The following SASS6 variants were observed in gnomAD, a reference collection of about 807,000 sequenced individuals.
The protein encoded by SASS6 is spindle assembly abnormal protein 6 homolog.
A neutral mutation model predicts 94.9 loss-of-function variants in SASS6; 59 were observed. The observed-to-expected ratio is 0.62, with a 90% CI of 0.50 to 0.77. The LOEUF is 0.77. SASS6 is among the 30% of genes least tolerant of loss of function. The probability of loss-of-function intolerance (pLI) is 0.00; values close to 1 mark genes in which losing one functional copy is unlikely to be tolerated. For synonymous variants in SASS6, 264 were observed against 270.0 expected (o/e 0.98, Z 0.22); for missense variants, 698 against 734.1 (o/e 0.95, Z 0.57).
chr1:100,090,926 G>A lies in SASS6; in HGVS notation c.1675-2690C>T, dbSNP rs1419190793. Among the ~76,000 whole-genome samples, 3 of 152,194 alleles carry A rather than the reference G, an allele frequency of 2.0e-5. No individual in the cohort carries two copies. In the East Asian group the frequency reaches 5.8e-4, roughly 29 times the overall value. ...CAGCATACCAAAGGCTTTGGGAACC[G>A]AACTATGGGGTAAACTACTGCCAAG... On this transcript the variant is annotated intron_variant, in intron 14 of 16. Transcript: ENST00000287482.
At chr1:100,130,147 T>G (rs571179715) in intron 1 of SASS6, among the ~76,000 whole-genome samples, 1 of 152,374 alleles carries the variant, frequency 6.6e-6, no homozygotes, top group South Asian at 2.1e-4. Flanking sequence ...CCAGGCAATC[T>G]GGCTCCAGAG....
chr1:100,101,522 GTC>G (rs368146661), intron 14 of SASS6, among the ~76,000 whole-genome samples: 3 of 151,888 alleles, frequency 2.0e-5, no homozygotes, highest in African/African-American at 7.3e-5. Context: ...GTAGGCAACT[GTC>G]TCTAGTAGTA....
chr1:100,115,410 TC>T (rs568407062), intron 7 of SASS6, among the ~76,000 whole-genome samples: 459 of 55,650 alleles, frequency 8.2e-3, no homozygotes, highest in African/African-American at 0.016. Flanking sequence ...AGTAAATAAG[TC>T]TGTTTTCAAC....
chr1:100,103,701 A>T (rs1652671061), intron 13 of SASS6, among the ~76,000 whole-genome samples: 1 of 152,184 alleles, frequency 6.6e-6, no homozygotes, highest in Non-Finnish European at 1.5e-5. Flanking sequence ...CCGGACAAAA[A>T]ATCTTTTTTA....
chr1:100,097,287 T>C (rs369260622), intron 14 of SASS6, among the ~76,000 whole-genome samples: 3 of 152,182 alleles, frequency 2.0e-5, no homozygotes, highest in Admixed American at 2.0e-4. Context: ...ATCAAACATA[T>C]GCCACCAGCC....
chr1:100,092,645 G>C (rs961980682), intron 14 of SASS6, among the ~76,000 whole-genome samples: 1 of 151,830 alleles, frequency 6.6e-6, no homozygotes, highest in Non-Finnish European at 1.5e-5. Context: ...GCGCAATCTC[G>C]GCTCGCTGCA....
chr1:100,095,292 G>A (rs1488428624), intron 14 of SASS6, among the ~76,000 whole-genome samples: 1 of 152,156 alleles, frequency 6.6e-6, no homozygotes, highest in East Asian at 1.9e-4. Flanking sequence ...CTTTTTTGGA[G>A]GCTGTGGCAG....
At chr1:100,089,508 A>G (rs914365282) in intron 14 of SASS6, among the ~76,000 whole-genome samples, 5 of 152,266 alleles carry the variant, frequency 3.3e-5, no homozygotes, top group Admixed American at 3.3e-4. Flanking sequence ...CCAGAGAAAA[A>G]GGTCACTTTA....
At chr1:100,125,194 C>T (rs1198225854) in intron 2 of SASS6, among the ~76,000 whole-genome samples, 1 of 150,648 alleles carries the variant, frequency 6.6e-6, no homozygotes, top group Non-Finnish European at 1.5e-5. Context: ...TACATTTATA[C>T]CATGAAATGC....
chr1:100,120,501 TCA>T, intron 5 of SASS6, 42 bp from the exon 6 acceptor site: 1 of 894,214 alleles, frequency 1.1e-6, no homozygotes, highest in Non-Finnish European at 1.9e-6. Context: ...TACAATGTAA[TCA>T]TCTATAGCCA....
chr1:100,118,476 G>A (rs1653947331), intron 7 of SASS6, among the ~76,000 whole-genome samples: 1 of 152,166 alleles, frequency 6.6e-6, no homozygotes, highest in Non-Finnish European at 1.5e-5. Context: ...ATATGTTGCA[G>A]TTTCACTTCT....
chr1:100,121,502 G>A lies in SASS6; in HGVS notation c.359C>T (p.Pro120Leu), dbSNP rs1434855492. 5 of 1,599,856 alleles carry A rather than the reference G, an allele frequency of 3.1e-6. No homozygotes were observed. The highest frequency in any genetic ancestry group is 1.7e-5 in the Admixed American group (1 of 58,046). The change falls in exon 5 of 17, where the codon CCT (proline) becomes CTT (leucine). Residue 120 changes from proline (P) to leucine (L), a missense_variant. Pro to Leu is a moderately conservative substitution (Grantham distance 98). Transcript: ENST00000287482. ...TGTCTCTACCACATTTAAAAATGCA[G>A]GTGAGTTATCCAAAATAGCTGCTGG... ...VSPAAILDNSPAFLNVVETNP... is the reference protein window; with the variant it reads ...VSPAAILDNSLAFLNVVETNP...
chr1:100,112,501 A>T (rs2101671554), intron 7 of SASS6, among the ~76,000 whole-genome samples: 1 of 152,328 alleles, frequency 6.6e-6, no homozygotes, highest in East Asian at 1.9e-4. Context: ...TAAAGAAAAC[A>T]TGAGAAATAA....
At chr1:100,110,514 T>C in intron 7 of SASS6, 31 bp from the exon 8 acceptor site, 8 of 1,215,660 alleles carry the variant, frequency 6.6e-6, no homozygotes, top group Non-Finnish European at 8.9e-6. Context: ...AGTACCAAAA[T>C]TCAAAGAAAA....
intron 3 of SASS6, among the ~76,000 whole-genome samples, chr1:100,122,932 G>C (rs1238890155): frequency 1.3e-5 from 2 of 150,718 alleles, no homozygotes; most frequent in African/African-American, 2.4e-5. Flanking sequence ...CAAGAACTAA[G>C]CTAAGGAACT....
intron 7 of SASS6, 26 bp from the exon 8 acceptor site, chr1:100,110,509 C>A: frequency 3.2e-6 from 4 of 1,232,674 alleles, no homozygotes; most frequent in South Asian, 1.9e-5. Flanking sequence ...AATACAGTAC[C>A]AAAATTCAAA....
intron 14 of SASS6, among the ~76,000 whole-genome samples, chr1:100,088,948 G>GGCTAATTTT (rs1395960319): frequency 6.6e-6 from 1 of 151,852 alleles, no homozygotes; most frequent in Non-Finnish European, 1.5e-5. Context: ...ACAATAAGAT[G>GGCTAATTTT]TCATACTCAG....
At chr1:100,085,481 A>G in intron 16 of SASS6, 47 bp from the exon 17 acceptor site, 1 of 1,560,186 alleles carries the variant, frequency 6.4e-7, no homozygotes, top group Non-Finnish European at 8.8e-7. Context: ...TTAAGTCTTC[A>G]TACATTAAAT....
intron 14 of SASS6, among the ~76,000 whole-genome samples, chr1:100,091,397 T>C (rs1651670370): frequency 6.6e-6 from 1 of 152,034 alleles, no homozygotes; most frequent in Admixed American, 6.6e-5. Flanking sequence ...CACATTCTCC[T>C]CAGGATTTAA....
Sources: allele counts gnomAD v4.1 joint callset (sites outside exome capture counted in the v4.1 genomes callset), GRCh38; gene constraint gnomAD v4.1.1; transcripts MANE v1.5; gene names NCBI Gene and HGNC (gene_info 2026-07-23, HGNC 2026-07-21).